LRRC53: variants seen among roughly 807,000 people sequenced by gnomAD.
LRRC53 encodes leucine rich repeat containing 53.
LRRC53 carries 25 observed loss-of-function variants against 13.6 expected under a neutral mutation model. The observed-to-expected ratio is 1.83, with a 90% CI of 1.34 to 2.56. The LOEUF (loss-of-function observed/expected upper bound fraction) is 2.56, where lower values mean the gene tolerates loss of function less well. LRRC53 is among the 30% of genes most tolerant of loss of function. The pLI is 0.00. For missense variants in LRRC53, 527 were observed against 275.8 expected, an observed-to-expected ratio of 1.91 and a Z score of -6.45; for synonymous variants, 204 against 109.8, an observed-to-expected ratio of 1.86 and a Z score of -5.37.
intron 1 of LRRC53, among the ~76,000 whole-genome samples, chr1:74,496,581 G>A (rs11210465): frequency 0.42 from 63,365 of 151,696 alleles, 15,959 homozygotes; most frequent in East Asian, 0.67. Context: ...GATTTTATGG[G>A]GTTTTTGGTT....
Position 74,480,979 on chromosome 1 carries a change from A to G in LRRC53, c.89-11T>C, listed in dbSNP as rs891152433. On this transcript the variant is annotated splice_polypyrimidine_tract_variant and intron_variant, in intron 2 of 4. Coordinates refer to ENST00000294635, the MANE Select transcript of LRRC53 (RefSeq NM_001382280.1). Reference sequence around the variant, plus strand: ...TGGTCATAGGGGCTGCTGTGGGGAAAAAAGCACAGACTAGATGCAGGGTAC... The same window carrying G: ...TGGTCATAGGGGCTGCTGTGGGGAAGAAAGCACAGACTAGATGCAGGGTAC... The G allele has an allele frequency of 1.4e-6, 1 of 700,576 alleles. No homozygotes were observed. Among genetic ancestry groups the G allele is most frequent in the Non-Finnish European group, 2.7e-6 (1 of 376,568 alleles). The allele number at this position is 700,576 out of a possible 1,614,324, so 43.4% of individuals were successfully genotyped here.
chr1:74,488,240 G>C (rs1473144577), intron 1 of LRRC53, among the ~76,000 whole-genome samples: 2 of 152,102 alleles, frequency 1.3e-5, no homozygotes, highest in African/African-American at 4.8e-5. Flanking sequence ...GAAGACACAG[G>C]GTTTTGCTCA....
upstream of LRRC53, among the ~76,000 whole-genome samples, chr1:74,515,742 G>A (rs186954379): frequency 4.2e-4 from 64 of 152,316 alleles, no homozygotes; most frequent in African/African-American, 1.3e-3. Context: ...ATCTGGCAAT[G>A]ACATTCAAGT....
chr1:74,533,480 C>A, the LRRC53 span, among the ~76,000 whole-genome samples: 114,674 of 136,534 alleles, frequency 0.84, 47,725 homozygotes, highest in Middle Eastern at 0.95. Context: ...TAAACTAGTT[C>A]AACCATTGTG....
At chr1:74,500,649 A>G (rs1287588917) in intron 1 of LRRC53, among the ~76,000 whole-genome samples, 1 of 131,206 alleles carries the variant, frequency 7.6e-6, no homozygotes, top group Non-Finnish European at 1.6e-5. Context: ...AAAAAAAAAA[A>G]AAAAAAAAAA....
At chr1:74,523,580 A>G in the LRRC53 span, among the ~76,000 whole-genome samples, 2 of 152,152 alleles carry the variant, frequency 1.3e-5, no homozygotes, top group South Asian at 2.1e-4. Flanking sequence ...TTCGGTGAAT[A>G]TTTAGACTTC....
the LRRC53 span, among the ~76,000 whole-genome samples, chr1:74,522,904 G>C: frequency 1.1e-4 from 17 of 152,308 alleles, no homozygotes; most frequent in Admixed American, 2.6e-4. Context: ...AGCTTCAGTA[G>C]GTTCATGATC....
intron 1 of LRRC53, among the ~76,000 whole-genome samples, chr1:74,502,969 A>T (rs1669710722): frequency 6.6e-6 from 1 of 152,220 alleles, no homozygotes; most frequent in Non-Finnish European, 1.5e-5. Flanking sequence ...CTAGGAACTT[A>T]ACTGAAGTGA....
At chr1:74,511,131 T>C (rs1670194737) in intron 1 of LRRC53, among the ~76,000 whole-genome samples, 1 of 151,846 alleles carries the variant, frequency 6.6e-6, no homozygotes, top group South Asian at 2.1e-4. Flanking sequence ...TCACCTCAGG[T>C]GATCCATCCG....
At chr1:74,504,384 A>G (rs1475584896) in intron 1 of LRRC53, among the ~76,000 whole-genome samples, 1 of 152,188 alleles carries the variant, frequency 6.6e-6, no homozygotes, top group Non-Finnish European at 1.5e-5. Flanking sequence ...TGAATGCTGT[A>G]CTAAGGATAG....
At chr1:74,493,285 A>G (rs982181607) in intron 1 of LRRC53, among the ~76,000 whole-genome samples, 1 of 152,234 alleles carries the variant, frequency 6.6e-6, no homozygotes, top group African/African-American at 2.4e-5. Flanking sequence ...TGGAATTAAA[A>G]TGGTGGTTGT....
intron 1 of LRRC53, among the ~76,000 whole-genome samples, chr1:74,497,149 A>G (rs964760154): frequency 6.6e-6 from 1 of 152,178 alleles, no homozygotes; most frequent in African/African-American, 2.4e-5. Context: ...TAATTTACTC[A>G]AAGTTTTTCT....
At chr1:74,490,064 A>C (rs1318013523) in intron 1 of LRRC53, among the ~76,000 whole-genome samples, 3 of 150,504 alleles carry the variant, frequency 2.0e-5, no homozygotes, top group East Asian at 1.9e-4. Flanking sequence ...AAAAAAAAAA[A>C]AAAAAAAAAA....
At chr1:74,514,389 G>A (rs748329288), upstream of LRRC53, among the ~76,000 whole-genome samples, 7 of 152,152 alleles carry the variant, frequency 4.6e-5, no homozygotes, top group Non-Finnish European at 8.8e-5. Context: ...GTTCCTTATC[G>A]AGAGGAAGCA....
intron 1 of LRRC53, among the ~76,000 whole-genome samples, chr1:74,504,438 G>A (rs1314872110): frequency 6.6e-6 from 1 of 152,220 alleles, no homozygotes; most frequent in Non-Finnish European, 1.5e-5. Context: ...CAGCCTCAAA[G>A]TTGAGGAGCA....
intron 1 of LRRC53, among the ~76,000 whole-genome samples, chr1:74,492,500 C>A (rs564537907): frequency 6.8e-4 from 104 of 152,196 alleles, no homozygotes; most frequent in African/African-American, 2.4e-3. Flanking sequence ...AAGTAAGACA[C>A]GTCTATTTCA....
chr1:74,523,382 T>A, the LRRC53 span, among the ~76,000 whole-genome samples: 1 of 152,166 alleles, frequency 6.6e-6, no homozygotes, highest in Non-Finnish European at 1.5e-5. Flanking sequence ...AACAAGCAAT[T>A]TTTTTTCCTT....
At chr1:74,485,736 G>A (rs982917558) in intron 1 of LRRC53, among the ~76,000 whole-genome samples, 2 of 152,110 alleles carry the variant, frequency 1.3e-5, no homozygotes, top group African/African-American at 4.8e-5. Flanking sequence ...TGCCCTTGCC[G>A]GTTAGGAAAA....
intron 1 of LRRC53, among the ~76,000 whole-genome samples, chr1:74,511,711 G>C: frequency 6.6e-6 from 1 of 152,018 alleles, no homozygotes; most frequent in East Asian, 1.9e-4. Flanking sequence ...GATAAGTACT[G>C]AGCCATGTGT....
Sources: gnomAD v4.1 joint callset for allele counts (sites outside exome capture counted in the v4.1 genomes callset) on GRCh38, gnomAD v4.1.1 for gene constraint, MANE v1.5 for transcripts, NCBI Gene and HGNC (gene_info 2026-07-23, HGNC 2026-07-21) for gene names.